Variants in RTL4 observed in about 807,000 individuals in gnomAD.
The protein encoded by RTL4 is retrotransposon Gag-like protein 4.
Under a neutral mutation model 5.3 loss-of-function variants are expected in RTL4, and 4 were observed. The ratio of observed to expected loss-of-function variants is 0.75; its 90% CI spans 0.37 to 1.72. The LOEUF is 1.72. RTL4 is among the 40% of genes most tolerant of loss of function. The pLI is 0.04. For synonymous variants in RTL4, 98 were observed against 87.3 expected (o/e 1.12, Z -0.68); for missense variants, 260 against 227.1 (o/e 1.14, Z -0.93).
At chrX:112,412,434 A>G in the RTL4 span, among the ~76,000 whole-genome samples, 1 of 111,890 alleles carries the variant, frequency 8.9e-6, no homozygotes, top group Non-Finnish European at 1.9e-5. Flanking sequence ...TGGAAGAATC[A>G]CATTACCTGA....
At chrX:112,281,428 G>T in the RTL4 span, among the ~76,000 whole-genome samples, 2 of 111,797 alleles carry the variant, frequency 1.8e-5, no homozygotes, top group Non-Finnish European at 3.8e-5. Context: ...GGGCTATTGG[G>T]AATAATACTT....
chrX:112,284,815 G>T, the RTL4 span, among the ~76,000 whole-genome samples: 1 of 111,520 alleles, frequency 9.0e-6, no homozygotes, highest in East Asian at 2.8e-4. Flanking sequence ...CATCAATTTA[G>T]TATGTTTCAA....
the RTL4 span, among the ~76,000 whole-genome samples, chrX:112,397,802 T>TTA: frequency 8.9e-6 from 1 of 111,981 alleles, no homozygotes; most frequent in Non-Finnish European, 1.9e-5. Flanking sequence ...TGTATGTTGC[T>TTA]TATATATAGA....
At chrX:112,156,121 A>G in the RTL4 span, among the ~76,000 whole-genome samples, 2 of 112,169 alleles carry the variant, frequency 1.8e-5, no homozygotes. Context: ...GTTCTGAAAG[A>G]ATTCCATAGT....
At chrX:112,311,392 G>A in the RTL4 span, among the ~76,000 whole-genome samples, 199 of 111,039 alleles carry the variant, frequency 1.8e-3, no homozygotes, top group Non-Finnish European at 3.2e-3. Flanking sequence ...CCCTCAGACG[G>A]GTTCTAGAGA....
chrX:112,160,440 C>T, the RTL4 span, among the ~76,000 whole-genome samples: 61 of 111,938 alleles, frequency 5.4e-4, 1 homozygote, highest in East Asian at 8.7e-3. Flanking sequence ...ACTTCTTATG[C>T]GTCAAGCAAT....
the RTL4 span, among the ~76,000 whole-genome samples, chrX:112,433,902 G>A: frequency 4.8e-5 from 4 of 82,733 alleles, no homozygotes; most frequent in East Asian, 3.5e-4. Flanking sequence ...TTTGAAATAC[G>A]TCCCATCAAT....
chrX:112,100,063 A>C, the RTL4 span, among the ~76,000 whole-genome samples: 1 of 112,014 alleles, frequency 8.9e-6, no homozygotes, highest in African/African-American at 3.2e-5. Flanking sequence ...TGAGACATTC[A>C]TCTAGGCAGT....
the RTL4 span, among the ~76,000 whole-genome samples, chrX:112,126,438 A>G: frequency 1.8e-5 from 2 of 112,311 alleles, no homozygotes; most frequent in Non-Finnish European, 3.8e-5. Context: ...GCTCAGAGGA[A>G]TATTTGTAGC....
chrX:112,362,199 T>C, the RTL4 span, among the ~76,000 whole-genome samples: 4 of 112,238 alleles, frequency 3.6e-5, no homozygotes, highest in African/African-American at 9.7e-5. Context: ...CTTGGATTTG[T>C]TCATTCATGC....
the RTL4 span, among the ~76,000 whole-genome samples, chrX:112,394,137 GGGGAGGTTCTCTGGGTTT>G: frequency 9.0e-6 from 1 of 111,198 alleles, no homozygotes. Context: ...TCCCTGGATG[GGGGAGGTTCTCTGGGTTT>G]GGGAGGTTCC....
the RTL4 span, among the ~76,000 whole-genome samples, chrX:112,162,722 A>G: frequency 8.9e-6 from 1 of 111,985 alleles, no homozygotes; most frequent in Non-Finnish European, 1.9e-5. Flanking sequence ...GATTCACTTC[A>G]TGCCCTTTGC....
the RTL4 span, among the ~76,000 whole-genome samples, chrX:112,250,787 G>A: frequency 8.9e-6 from 1 of 112,024 alleles, no homozygotes; most frequent in Non-Finnish European, 1.9e-5. Flanking sequence ...ACCCCCCAGA[G>A]GAAGAAGATC....
chrX:112,204,802 A>G, the RTL4 span, among the ~76,000 whole-genome samples: 1 of 111,385 alleles, frequency 9.0e-6, no homozygotes. Context: ...AAAATAACTT[A>G]TAGAGTATAA....
chrX:112,230,847 C>T, the RTL4 span, among the ~76,000 whole-genome samples: 1 of 111,509 alleles, frequency 9.0e-6, no homozygotes, highest in Non-Finnish European at 1.9e-5. Flanking sequence ...GGGCTAATAT[C>T]GAGAATCTAC....
At chrX:112,113,635 T>C in the RTL4 span, among the ~76,000 whole-genome samples, 5 of 111,617 alleles carry the variant, frequency 4.5e-5, no homozygotes, top group East Asian at 5.7e-4. Flanking sequence ...CTCAGTCCTA[T>C]TGTTGAATCA....
the RTL4 span, among the ~76,000 whole-genome samples, chrX:112,271,995 C>T: frequency 8.9e-6 from 1 of 111,907 alleles, no homozygotes. Context: ...TTAATATATC[C>T]ATCACCTCAC....
the RTL4 span, among the ~76,000 whole-genome samples, chrX:112,250,043 G>A: frequency 5.6e-4 from 62 of 110,364 alleles, no homozygotes; most frequent in Non-Finnish European, 1.0e-3. Flanking sequence ...TTGGGAGGCC[G>A]AGGTAGGTGG....
the RTL4 span, among the ~76,000 whole-genome samples, chrX:112,291,703 T>C: frequency 5.4e-5 from 6 of 110,310 alleles, no homozygotes; most frequent in Non-Finnish European, 1.1e-4. Context: ...TTCACGCCAT[T>C]CTCCTGCCTC....
Sources: gnomAD v4.1 joint callset for allele counts (sites outside exome capture counted in the v4.1 genomes callset) on GRCh38, gnomAD v4.1.1 for gene constraint, MANE v1.5 for transcripts, NCBI Gene and HGNC (gene_info 2026-07-23, HGNC 2026-07-21) for gene names.